The following CASP9 variants were observed in gnomAD, a reference collection of about 807,000 sequenced individuals.
CASP9 encodes caspase 9, also known as caspase-9.
In CASP9, 29 loss-of-function variants were observed where a neutral mutation model predicts 43.5. That is an observed-to-expected ratio of 0.67 (90% CI 0.50 to 0.91). The LOEUF is 0.91. Ranked by LOEUF, CASP9 falls within the 40% of genes least tolerant of loss-of-function variation. The probability of loss-of-function intolerance (pLI) is 0.00; values close to 1 mark genes in which losing one functional copy is unlikely to be tolerated. For missense variants in CASP9, 575 were observed against 537.4 expected (o/e 1.07, Z -0.69); for synonymous variants, 206 against 211.9 (o/e 0.97, Z 0.24).
At chr1:15,515,563 A>C (rs1709916799) in intron 2 of CASP9, among the ~76,000 whole-genome samples, 1 of 152,260 alleles carries the variant, frequency 6.6e-6, no homozygotes, top group Admixed American at 6.5e-5. Context: ...TGGATTATTC[A>C]GAACAGGAAC....
At chr1:15,517,972 A>C in intron 2 of CASP9, 138 bp downstream of exon 2, 3 of 1,000,352 alleles carry the variant, frequency 3.0e-6, no homozygotes, top group Non-Finnish European at 3.0e-6. Context: ...ACCTCCCAGA[A>C]TTTTGCCATC....
intron 8 of CASP9, chr1:15,493,500 G>C (rs1708970832): frequency 2.3e-6 from 3 of 1,331,230 alleles, no homozygotes; most frequent in Admixed American, 3.3e-5. Flanking sequence ...ACAAGGAGGG[G>C]TTCACAATTC....
chr1:15,520,180 C>A (rs898231874), intron 1 of CASP9, among the ~76,000 whole-genome samples: 2 of 152,278 alleles, frequency 1.3e-5, no homozygotes, highest in Non-Finnish European at 2.9e-5. Context: ...TCTATGAGAA[C>A]CTTCCGTGAT....
Position 15,491,500 on chromosome 1 carries a change from G to A in CASP9, c.*1443C>T, listed in dbSNP as rs1275761115. On this transcript the variant is annotated 3_prime_UTR_variant, in exon 9 of 9. Transcript: ENST00000333868. Reference sequence around the variant, plus strand: ...AGGTCAGGCGCAATGGCTCAAGCCTGTAACCCCTGCACTTTGGGAGGCTAA... The same window carrying A: ...AGGTCAGGCGCAATGGCTCAAGCCTATAACCCCTGCACTTTGGGAGGCTAA... The A allele has an allele frequency of 4.1e-6, 3 of 724,812 alleles. No individual in the cohort carries two copies. Among genetic ancestry groups the A allele is most frequent in the Non-Finnish European group, 6.7e-6 (3 of 449,114 alleles). 44.9% of individuals were successfully genotyped at this position (724,812 alleles called of 1,614,324 possible).
chr1:15,522,518 G>C (rs1205329728), intron 1 of CASP9, among the ~76,000 whole-genome samples: 1 of 152,088 alleles, frequency 6.6e-6, no homozygotes, highest in African/African-American at 2.4e-5. Flanking sequence ...GACTCATCTA[G>C]GCAACATAGC....
At chr1:15,524,407 AG>A, upstream of CASP9, 1 of 1,273,520 alleles carries the variant, frequency 7.9e-7, no homozygotes, top group Non-Finnish European at 9.8e-7. Flanking sequence ...CCCCGCCCTC[AG>A]GACGCACCTC....
intron 2 of CASP9, among the ~76,000 whole-genome samples, chr1:15,513,565 AGCACTACC>A (rs993899088): frequency 2.0e-5 from 3 of 152,164 alleles, no homozygotes; most frequent in African/African-American, 7.2e-5. Context: ...TCAGCTTCAT[AGCACTACC>A]CACAGCCGTG....
intron 6 of CASP9, among the ~76,000 whole-genome samples, chr1:15,499,373 CTT>C (rs1342381294): frequency 6.6e-6 from 1 of 152,314 alleles, no homozygotes; most frequent in East Asian, 1.9e-4. Context: ...GGAATCCAAA[CTT>C]TTACTTTTCT....
chr1:15,506,859 T>G, intron 4 of CASP9, 40 bp downstream of exon 4: 1 of 810,990 alleles, frequency 1.2e-6, no homozygotes, highest in Non-Finnish European at 2.0e-6. Flanking sequence ...CCCCACCCAC[T>G]GCCCCCCACC....
chr1:15,505,844 A>C (rs1709497965), intron 5 of CASP9, 146 bp downstream of exon 5: 2 of 684,602 alleles, frequency 2.9e-6, no homozygotes, highest in South Asian at 3.4e-5. Flanking sequence ...GCTCCCAAGA[A>C]AACAACAGGA....
At chr1:15,504,858 A>G (rs894288801) in intron 5 of CASP9, 100 bp from the exon 6 acceptor site, 2 of 1,206,042 alleles carry the variant, frequency 1.7e-6, no homozygotes, top group Non-Finnish European at 2.4e-6. Flanking sequence ...TGGAAGGTCA[A>G]AGCCAGGGGC....
chr1:15,502,483 T>A (rs1228982260), intron 6 of CASP9, among the ~76,000 whole-genome samples: 4 of 151,776 alleles, frequency 2.6e-5, no homozygotes, highest in African/African-American at 9.7e-5. Context: ...AAATGAATTT[T>A]AAAAAAAGAG....
In CASP9 at chr1:15,524,167, ACCGCCGCAGGAG is replaced by A; in HGVS notation, c.22_33del (p.Leu8_Arg11del). The A allele has an allele frequency of 6.5e-7, 1 of 1,539,296 alleles. No homozygotes were observed. Among genetic ancestry groups the A allele is most frequent in the Non-Finnish European group, 8.7e-7 (1 of 1,146,908 alleles). ...AGCTCTTCCACCAGCCGCAGCCGGCACCGCCGCAGGAGCCGCCGATCCGCTTCGTCCATGGCG... is the reference window on the plus strand; with the variant it reads ...AGCTCTTCCACCAGCCGCAGCCGGCACCGCCGATCCGCTTCGTCCATGGCG... On this transcript the variant is annotated inframe_deletion, in exon 1 of 9. Transcript: ENST00000333868.
chr1:15,495,539 C>A, intron 6 of CASP9, 87 bp from the exon 7 acceptor site: 1 of 1,143,264 alleles, frequency 8.7e-7, no homozygotes, highest in Non-Finnish European at 1.2e-6. Context: ...CAATATACTA[C>A]ATTAACAGTG....
At chr1:15,509,496 G>A (rs1446582850) in intron 2 of CASP9, among the ~76,000 whole-genome samples, 3 of 150,934 alleles carry the variant, frequency 2.0e-5, no homozygotes, top group Admixed American at 6.6e-5. Context: ...TTAGCCAGGC[G>A]AGGGGGCAGG....
At chr1:15,506,843 A>T (rs1709542023) in intron 4 of CASP9, 56 bp downstream of exon 4, 1 of 1,468,246 alleles carries the variant, frequency 6.8e-7, no homozygotes, top group Non-Finnish European at 9.4e-7. Context: ...CCCTCAAAAG[A>T]TACTTCCCCA....
intron 1 of CASP9, 109 bp from the exon 2 acceptor site, chr1:15,518,504 G>C (rs1222454604): frequency 1.7e-6 from 2 of 1,177,374 alleles, no homozygotes; most frequent in Non-Finnish European, 2.4e-6. Flanking sequence ...AGGCACGTGG[G>C]CAGCAATGGA....
intron 6 of CASP9, among the ~76,000 whole-genome samples, chr1:15,496,319 T>C (rs1325189286): frequency 6.6e-6 from 1 of 152,198 alleles, no homozygotes; most frequent in Admixed American, 6.5e-5. Flanking sequence ...TTATACTCAA[T>C]GGTGAAAGAC....
intron 2 of CASP9, among the ~76,000 whole-genome samples, chr1:15,513,317 A>C (rs979300122): frequency 6.6e-6 from 1 of 152,056 alleles, no homozygotes; most frequent in African/African-American, 2.4e-5. Flanking sequence ...ACACATACAC[A>C]CACCCCCTAT....
Sources: gnomAD v4.1 joint callset for allele counts (sites outside exome capture counted in the v4.1 genomes callset) on GRCh38, gnomAD v4.1.1 for gene constraint, MANE v1.5 for transcripts, NCBI Gene and HGNC (gene_info 2026-07-23, HGNC 2026-07-21) for gene names.